Variants in C1R observed in about 807,000 individuals in gnomAD.
C1R encodes complement C1r.
In C1R, 15 loss-of-function variants were observed where a neutral mutation model predicts 27.6. That is an observed-to-expected ratio of 0.54 (90% CI 0.36 to 0.84). The LOEUF (loss-of-function observed/expected upper bound fraction) is 0.84. Among genes scored for constraint, C1R ranks in the 40% least tolerant of loss-of-function variants. The probability of loss-of-function intolerance (pLI) is 0.01; values close to 1 mark genes in which losing one functional copy is unlikely to be tolerated. For synonymous variants in C1R, 253 were observed against 228.8 expected (o/e 1.11, Z -0.95); for missense variants, 544 against 577.9 (o/e 0.94, Z 0.60).
intron 9 of C1R, among the ~76,000 whole-genome samples, chr12:7,083,474 ATGG>A (rs1342720869): frequency 2.4e-4 from 2 of 8,208 alleles, no homozygotes; most frequent in East Asian, 2.6e-3. Flanking sequence ...GATGGAGGTG[ATGG>A]TGGTGTTGGT....
In C1R at chr12:7,089,453, C is replaced by T. The variant is rs1405238928; in HGVS notation, c.608G>A (p.Gly203Asp). 1.3e-6 allele frequency: 1 copy of T among 777,690 alleles called. No homozygotes were observed. Among genetic ancestry groups the T allele is most frequent in the Admixed American group, 1.7e-5 (1 of 58,886 alleles). The allele number at this position is 777,690 out of a possible 1,614,324, so 48.2% of individuals were successfully genotyped here. A position where few individuals can be genotyped will look rare whatever the true frequency, so the allele number is the denominator to read the frequency against. The change falls in exon 5 of 11, where the codon GGC (glycine) becomes GAC (aspartate). Residue 203 changes from glycine to aspartate, a missense_variant. Physicochemically the swap from Gly to Asp is moderately conservative, Grantham distance 94. Transcript: ENST00000647956. ...AGGGTACTCCAGGCTGGAGATGTAG[C>T]CTGATGCCTCCGTGTACAGCTCGCT... ...CSSELYTEAS[G>D]YISSLEYPRS...
Position 7,080,829 on chromosome 12 carries a change from G to A in C1R, c.1821C>T (p.Leu607=). The change falls in exon 11 of 11, where the codon CTC becomes CTT. Residue 607 remains leucine, a synonymous_variant. Coordinates refer to ENST00000647956, the MANE Select transcript of C1R (RefSeq NM_001733.7). This position sits in a 1 kb window ranked among gnomAD's most constrained non-coding sequence, Gnocchi z 4.9. Reference sequence around the variant, plus strand: ...TAGCTACGGGCAGACGGACAAACCTGAGGTCATGAGCAATCTTCTCCTCCA... The same window carrying A: ...TAGCTACGGGCAGACGGACAAACCTAAGGTCATGAGCAATCTTCTCCTCCA... The part of the protein sequence containing the change: ...GVMEEKIAHD[L]RFVRLPVANP... 1.9e-6 allele frequency: 3 copies of A among 1,613,952 alleles called. No homozygotes were observed. Among genetic ancestry groups the A allele is most frequent in the Non-Finnish European group, 2.5e-6 (3 of 1,179,882 alleles).
intron 9 of C1R, among the ~76,000 whole-genome samples, 188 bp from the exon 10 acceptor site, chr12:7,082,294 A>G (rs1938078533): frequency 6.6e-6 from 1 of 152,128 alleles, no homozygotes; most frequent in Non-Finnish European, 1.5e-5. Flanking sequence ...CTCTAGACCT[A>G]TATTTTGTTT....
chr12:7,088,849 G>A lies in C1R; in HGVS notation c.906C>T (p.Tyr302=), dbSNP rs894461795. 6 of 771,668 alleles carry A rather than the reference G, an allele frequency of 7.8e-6. No homozygotes were observed. Among genetic ancestry groups the A allele is most frequent in the African/African-American group, 6.9e-5 (4 of 58,068 alleles). 47.8% of individuals were successfully genotyped at this position (771,668 alleles called of 1,614,324 possible). A position where few individuals can be genotyped will look rare whatever the true frequency, so the allele number is the denominator to read the frequency against. ...SGDSRGWKLR[Y]TTEIIKCPQP... ...TGCAGGGAGCCTTACTCTCGGTGGT[G>A]TAGCGCAGCTTCCAGCCCCGGCTGT... Residue 302 remains tyrosine, a synonymous_variant, in exon 6 of 11, where the codon TAC becomes TAT. Coordinates refer to ENST00000647956, the MANE Select transcript of C1R (RefSeq NM_001733.7).
intron 5 of C1R, 128 bp downstream of exon 5, chr12:7,089,165 C>T (rs1220537044): frequency 1.4e-5 from 9 of 650,170 alleles, no homozygotes; most frequent in Admixed American, 2.3e-5. Flanking sequence ...GGAACTTACC[C>T]AGCCCATGGG....
Position 7,085,897 on chromosome 12 carries a change from T to A in C1R, c.1237A>T (p.Met413Leu), listed in dbSNP as rs913683008. The change falls in exon 9 of 11, where the codon ATG becomes TTG. Residue 413 changes from methionine to leucine, a missense_variant. Met to Leu is a conservative substitution (Grantham distance 15, BLOSUM62 2). This residue lies in a region of C1R where 291 missense variants were observed against 209.0 expected (regional missense o/e 1.39). Transcript: ENST00000647956. ...TCCCTGCTGCCAGCTCTGGTCTGCA[T>A]CTTGTAATATGGCTCATGGCAGTAG... ...QYYCHEPYYKMQTRAGSRESE... is the reference protein window; with the variant it reads ...QYYCHEPYYKLQTRAGSRESE... 12 of 398,666 alleles carry A rather than the reference T, an allele frequency of 3.0e-5. No individual in the cohort carries two copies. The East Asian group carries it at 4.3e-4, about 14-fold the overall frequency. 24.7% of individuals were successfully genotyped at this position (398,666 alleles called of 1,614,324 possible).
rs1938269248 is a variant in C1R at position 7,091,373 on chromosome 12, G to T, written c.231+79C>A. 4.3e-6 allele frequency: 3 copies of T among 697,870 alleles called. No individual in the cohort carries two copies. The South Asian group carries it at 4.6e-5, about 11-fold the overall frequency. The allele number at this position is 697,870 out of a possible 1,614,324, so 43.2% of individuals were successfully genotyped here. A position where few individuals can be genotyped will look rare whatever the true frequency, so the allele number is the denominator to read the frequency against. On this transcript the variant is annotated intron_variant, in intron 2 of 10. Coordinates refer to ENST00000647956, the MANE Select transcript of C1R (RefSeq NM_001733.7). The surrounding 1 kb of genome is among the most constrained non-coding windows in gnomAD (Gnocchi z 5.1). ...CTCTTGTGGGGCTGGGCTGTGTCTGGGGGTGTGCATGCCATACAGATCCCA... is the reference window on the plus strand; with the variant it reads ...CTCTTGTGGGGCTGGGCTGTGTCTGTGGGTGTGCATGCCATACAGATCCCA...
chr12:7,082,224 G>C (rs1938077307), intron 9 of C1R, 118 bp from the exon 10 acceptor site: 1 of 691,960 alleles, frequency 1.4e-6, no homozygotes, highest in Non-Finnish European at 2.6e-6. Flanking sequence ...GAGCCAACAT[G>C]GCAAGGGCCA....
In C1R at chr12:7,089,715, G is replaced by A. The variant is rs1938228771; in HGVS notation, c.443C>T (p.Ser148Phe). 1.3e-6 allele frequency: 1 copy of A among 780,838 alleles called. No homozygotes were observed. Among genetic ancestry groups the A allele is most frequent in the African/African-American group, 1.7e-5 (1 of 59,272 alleles). The allele number at this position is 780,838 out of a possible 1,614,324, so 48.4% of individuals were successfully genotyped here. ...YQAVDLDECA[S>F]RSKSGEEDPQ... ...ATCCTCCTCCCCTGATTTGCTCCGGGAAGCACATTCATCAAGGTCTGGAAG... is the reference window on the plus strand; with the variant it reads ...ATCCTCCTCCCCTGATTTGCTCCGGAAAGCACATTCATCAAGGTCTGGAAG... The change falls in exon 4 of 11, where the codon TCC (serine) becomes TTC (phenylalanine). Residue 148 changes from serine to phenylalanine, a missense_variant. Transcript: ENST00000647956.
chr12:7,090,193 A>G lies in C1R; in HGVS notation c.287T>C (p.Leu96Pro). 1 of 752,246 alleles carries G rather than the reference A, an allele frequency of 1.3e-6. No individual in the cohort carries two copies. The highest frequency in any genetic ancestry group is 2.5e-5 in the East Asian group (1 of 40,088). The allele number at this position is 752,246 out of a possible 1,614,324, so 46.6% of individuals were successfully genotyped here. A position where few individuals can be genotyped will look rare whatever the true frequency, so the allele number is the denominator to read the frequency against. ...GRFCGQLGSP[L>P]GNPPGKKEFM... ...TTCCTTCTTTCCCGGGGGGTTGCCC[A>G]GTGGAGAACCCAGTTGCCCACAGAA... Residue 96 changes from leucine (L) to proline (P), a missense_variant, in exon 3 of 11, where the codon CTG becomes CCG. Physicochemically the swap from Leu to Pro is moderately conservative, Grantham distance 98 (BLOSUM62 -3). Around this residue, in one of 2 missense-constraint regions of C1R, gnomAD observed 291 missense variants for 209.0 expected, o/e 1.39. Coordinates refer to ENST00000647956, the MANE Select transcript of C1R (RefSeq NM_001733.7).
Position 7,082,152 on chromosome 12 carries a change from G to C in C1R, c.1274-46C>G, listed in dbSNP as rs1413688938. ...AATCAAGTTGGGGGGTGATGGGTAA[G>C]AAAACTAGGTTGCAGAGGCCAGCAA... is the stretch of plus-strand genomic sequence containing the variant. On this transcript the variant is annotated intron_variant, in intron 9 of 10. Coordinates refer to ENST00000647956, the MANE Select transcript of C1R (RefSeq NM_001733.7). 14 of 1,131,524 alleles carry C rather than the reference G, an allele frequency of 1.2e-5. No individual in the cohort carries two copies. The Admixed American group carries it at 2.8e-4, about 22-fold the overall frequency. 70.1% of individuals were successfully genotyped at this position (1,131,524 alleles called of 1,614,324 possible).
Position 7,089,295 on chromosome 12 carries a change from G to A in C1R, c.766C>T (p.Gln256Ter). The A allele has an allele frequency of 1.3e-6, 1 of 780,210 alleles. No individual in the cohort carries two copies. The highest frequency in any genetic ancestry group is 2.4e-6 in the Non-Finnish European group (1 of 417,838). 48.3% of individuals were successfully genotyped at this position (780,210 alleles called of 1,614,324 possible). A position where few individuals can be genotyped will look rare whatever the true frequency, so the allele number is the denominator to read the frequency against. ...QQVHCPYDQL[Q>*]IYANGKNIGE... The stretch of plus-strand genomic sequence containing the variant: ...TTTCAGGGGTAGGACGGCTGTACCT[G>A]TAGCTGGTCATAGGGGCAGTGTACT... Residue 256 changes from glutamine to a stop codon, truncating the protein, a stop_gained and splice_region_variant, in exon 5 of 11, where the codon CAG (glutamine) becomes TAG (stop). Transcript: ENST00000647956. LOFTEE classifies it high-confidence loss of function.
chr12:7,085,908 G>A lies in C1R; in HGVS notation c.1226C>T (p.Pro409Leu), dbSNP rs1938150239. The change falls in exon 9 of 11, where the codon CCA becomes CTA. Residue 409 changes from proline to leucine, a missense_variant. Physicochemically the swap from Pro to Leu is moderately conservative, Grantham distance 98. This residue lies in a region of C1R where 291 missense variants were observed against 209.0 expected (regional missense o/e 1.39). Coordinates refer to ENST00000647956, the MANE Select transcript of C1R (RefSeq NM_001733.7). ...KARIQYYCHE[P>L]YYKMQTRAGS... is the part of the protein sequence containing the mutation. ...AGCTCTGGTCTGCATCTTGTAATAT[G>A]GCTCATGGCAGTAGTACTGGATACG... 1 of 398,534 alleles carries A rather than the reference G, an allele frequency of 2.5e-6. No individual in the cohort carries two copies. The highest frequency in any genetic ancestry group is 4.4e-6 in the Non-Finnish European group (1 of 226,088). The allele number at this position is 398,534 out of a possible 1,614,324, so 24.7% of individuals were successfully genotyped here.
At position 7,080,792 on chromosome 12, in the gene C1R, A is replaced by C; in HGVS notation, c.1858T>G (p.Cys620Gly). 6.2e-7 allele frequency: 1 copy of C among 1,613,970 alleles called. No individual in the cohort carries two copies. Among genetic ancestry groups the C allele is most frequent in the Non-Finnish European group, 8.5e-7 (1 of 1,179,890 alleles). Residue 620 changes from cysteine (C) to glycine (G), a missense_variant, in exon 11 of 11, where the codon TGT becomes GGT. Cys to Gly is a radical substitution (Grantham distance 159, BLOSUM62 -3). Transcript: ENST00000647956. This position sits in a 1 kb window ranked among gnomAD's most constrained non-coding sequence, Gnocchi z 4.9. ...TTCTTTCCCCGGAGCCAGTTCTCAC[A>C]GGCCTGTGGATTAGCTACGGGCAGA... The part of the protein sequence containing the change: ...VRLPVANPQA[C>G]ENWLRGKNRM...
At position 7,091,274 on chromosome 12, in the gene C1R, C is replaced by T; in HGVS notation, c.231+178G>A. On this transcript the variant is annotated intron_variant, in intron 2 of 10. Transcript: ENST00000647956. The surrounding 1 kb of genome is among the most constrained non-coding windows in gnomAD (Gnocchi z 5.1). Reference sequence around the variant, plus strand: ...TCTCTGTGCTTCTCCCCTCAGTGCTCACCGAGGGCCTCTACACCAGTGAGC... The same window carrying T: ...TCTCTGTGCTTCTCCCCTCAGTGCTTACCGAGGGCCTCTACACCAGTGAGC... 1 of 599,986 alleles carries T rather than the reference C, an allele frequency of 1.7e-6. No homozygotes were observed. The highest frequency in any genetic ancestry group is 2.9e-6 in the Non-Finnish European group (1 of 340,988). 37.2% of individuals were successfully genotyped at this position (599,986 alleles called of 1,614,324 possible). A position where few individuals can be genotyped will look rare whatever the true frequency, so the allele number is the denominator to read the frequency against.
At chr12:7,082,481 G>A (rs1049737786) in intron 9 of C1R, among the ~76,000 whole-genome samples, 6 of 152,128 alleles carry the variant, frequency 3.9e-5, no homozygotes, top group East Asian at 3.9e-4. Context: ...ACAGGTGCCC[G>A]CCACCATGCC....
In C1R at chr12:7,089,171, A is replaced by G. The variant is rs752189736; in HGVS notation, c.768+122T>C. 1.1e-4 allele frequency: 71 copies of G among 664,854 alleles called. 1 individual carries two copies. In the South Asian group the frequency reaches 1.2e-3, roughly 11 times the overall value. 41.2% of individuals were successfully genotyped at this position (664,854 alleles called of 1,614,324 possible). ...AGTTGTGTGGGAACTTACCCAGCCC[A>G]TGGGTGATGTTGGCCGTTCCTGCCC... On this transcript the variant is annotated intron_variant, in intron 5 of 10. Coordinates refer to ENST00000647956, the MANE Select transcript of C1R (RefSeq NM_001733.7).
chr12:7,085,282 G>A (rs1175017507), intron 9 of C1R, among the ~76,000 whole-genome samples: 1 of 147,092 alleles, frequency 6.8e-6, no homozygotes, highest in Non-Finnish European at 1.5e-5. Flanking sequence ...TGACAGTGGT[G>A]TTGGTAATGA....
intron 1 of C1R, chr12:7,092,015 G>T (rs559660172): frequency 8.9e-6 from 5 of 561,416 alleles, no homozygotes; most frequent in Non-Finnish European, 1.6e-5. Flanking sequence ...GGAGGGTGAG[G>T]GTTTCCACCC....
Sources: gnomAD v4.1 joint callset for allele counts (sites outside exome capture counted in the v4.1 genomes callset) on GRCh38, gnomAD v4.1.1 for gene constraint, gnomAD v4.1.1 regional missense constraint, Gnocchi (gnomAD v3.1) non-coding constraint, MANE v1.5 for transcripts, NCBI Gene and HGNC (gene_info 2026-07-23, HGNC 2026-07-21) for gene names.